Variants in CD2AP observed in about 807,000 individuals in gnomAD.
CD2AP encodes CD2-associated protein.
CD2AP carries 46 observed loss-of-function variants against 85.1 expected under a neutral mutation model. The ratio of observed to expected loss-of-function variants is 0.54; its 90% confidence interval spans 0.43 to 0.69. The LOEUF is 0.69. Ranked by LOEUF, CD2AP falls within the 30% of genes least tolerant of loss-of-function variation. The pLI, the probability that CD2AP is intolerant of heterozygous loss-of-function variation, is 0.00. For synonymous variants in CD2AP, 255 were observed against 252.9 expected, an observed-to-expected ratio of 1.01 and a Z score of -0.08; for missense variants, 769 against 729.5, an observed-to-expected ratio of 1.05 and a Z score of -0.62.
chr6:47,546,477 C>T (rs892010669), intron 4 of CD2AP, among the ~76,000 whole-genome samples: 1 of 151,974 alleles, frequency 6.6e-6, no homozygotes, highest in African/African-American at 2.4e-5. Context: ...ACCTAGACAT[C>T]CAAATATAAG....
intron 4 of CD2AP, among the ~76,000 whole-genome samples, chr6:47,552,451 C>T (rs899601956): frequency 6.6e-6 from 1 of 152,144 alleles, no homozygotes; most frequent in Admixed American, 6.5e-5. Context: ...CCAGTTCCAT[C>T]CATGTTGCTG....
intron 5 of CD2AP, among the ~76,000 whole-genome samples, chr6:47,566,764 G>A (rs561192513): frequency 1.2e-4 from 18 of 152,118 alleles, no homozygotes; most frequent in Admixed American, 8.5e-4. Context: ...GGCTTCCAGC[G>A]TCATCCATGT....
At chr6:47,576,463 G>GT in intron 6 of CD2AP, 61 bp from the exon 7 acceptor site, 2 of 1,119,380 alleles carry the variant, frequency 1.8e-6, no homozygotes, top group Admixed American at 1.7e-5. Context: ...TGGAAACTTT[G>GT]TTTAACAGTA....
chr6:47,478,366 A>AC lies in CD2AP; in HGVS notation c.4+121dup. On this transcript the variant is annotated intron_variant, in intron 1 of 17. Transcript: ENST00000359314. ...GTCAGCCCCTGAGCGGCAGCACCCC[A>AC]CCCTCTCCATTCTCCCCACCGCCCC... The AC allele has an allele frequency of 4.3e-6, 5 of 1,168,860 alleles. No homozygotes were observed. The South Asian group carries it at 6.5e-5, about 15-fold the overall frequency. The allele number at this position is 1,168,860 out of a possible 1,614,324, so 72.4% of individuals were successfully genotyped here.
intron 12 of CD2AP, among the ~76,000 whole-genome samples, chr6:47,598,869 C>T (rs1769025633): frequency 6.7e-6 from 1 of 149,822 alleles, no homozygotes; most frequent in South Asian, 2.1e-4. Context: ...ATTCATGTAA[C>T]CAAATGCCAC....
At chr6:47,606,727 G>A (rs1043725643) in intron 14 of CD2AP, among the ~76,000 whole-genome samples, 1 of 151,920 alleles carries the variant, frequency 6.6e-6, no homozygotes, top group African/African-American at 2.4e-5. Flanking sequence ...GGTTATGTGA[G>A]ATATTTTGAT....
At chr6:47,494,372 G>T (rs981655989) in intron 1 of CD2AP, among the ~76,000 whole-genome samples, 3 of 152,148 alleles carry the variant, frequency 2.0e-5, no homozygotes, top group African/African-American at 7.2e-5. Flanking sequence ...AAATACTGGA[G>T]CCTCATTGAT....
intron 2 of CD2AP, among the ~76,000 whole-genome samples, chr6:47,516,151 C>G (rs1015640893): frequency 6.6e-6 from 1 of 152,156 alleles, no homozygotes; most frequent in African/African-American, 2.4e-5. Context: ...GTACCAACAT[C>G]AAAATCTCAG....
chr6:47,527,476 A>C (rs1203027080), intron 2 of CD2AP, among the ~76,000 whole-genome samples: 1 of 152,214 alleles, frequency 6.6e-6, no homozygotes, highest in Non-Finnish European at 1.5e-5. Context: ...GTGGAGAGTA[A>C]AAGGGAGTGT....
chr6:47,532,691 CCCT>C (rs1425287192), intron 2 of CD2AP, among the ~76,000 whole-genome samples: 2 of 152,116 alleles, frequency 1.3e-5, no homozygotes, highest in African/African-American at 4.8e-5. Context: ...AACAAAAACT[CCCT>C]CCGCTTTCTT....
Position 47,595,921 on chromosome 6 carries a change from A to G in CD2AP, c.1169A>G (p.Lys390Arg), listed in dbSNP as rs758447553. 1.2e-6 allele frequency: 2 copies of G among 1,612,944 alleles called. No homozygotes were observed. Among genetic ancestry groups the G allele is most frequent in the Non-Finnish European group, 1.7e-6 (2 of 1,179,138 alleles). ...SKPAAPQVPP[K>R]KPTPPTKASN... is the part of the protein sequence containing the mutation. The stretch of plus-strand genomic sequence containing the variant: ...CCAGCAGCTCCACAAGTCCCACCCA[A>G]GAAACCTACTCCACCTACCAAAGCC... Residue 390 changes from lysine to arginine, a missense_variant, in exon 12 of 18, where the codon AAG becomes AGG. Transcript: ENST00000359314.
chr6:47,557,782 T>G (rs570233769), intron 5 of CD2AP, among the ~76,000 whole-genome samples: 5 of 152,314 alleles, frequency 3.3e-5, no homozygotes, highest in African/African-American at 1.2e-4. Context: ...TTGTTCTTTT[T>G]GCTTAGGATT....
intron 16 of CD2AP, 93 bp downstream of exon 16, chr6:47,609,397 C>T: frequency 9.5e-7 from 1 of 1,056,846 alleles, no homozygotes; most frequent in East Asian, 2.4e-5. Flanking sequence ...TAATCTGTGG[C>T]TGGGTGTGGT....
chr6:47,605,326 T>G (rs1267559647), intron 13 of CD2AP, among the ~76,000 whole-genome samples: 1 of 151,954 alleles, frequency 6.6e-6, no homozygotes, highest in Non-Finnish European at 1.5e-5. Context: ...ATATCTGGGC[T>G]TTAGAGTTAA....
At chr6:47,523,062 G>T (rs1243744362) in intron 2 of CD2AP, among the ~76,000 whole-genome samples, 1 of 151,958 alleles carries the variant, frequency 6.6e-6, no homozygotes, top group East Asian at 1.9e-4. Flanking sequence ...GTGTTATATG[G>T]TGTTTAGTTT....
At chr6:47,512,026 C>T (rs1216784547) in intron 2 of CD2AP, among the ~76,000 whole-genome samples, 4 of 151,848 alleles carry the variant, frequency 2.6e-5, no homozygotes, top group South Asian at 2.1e-4. Flanking sequence ...GGCGTAGTGG[C>T]GGGCGGCTGT....
intron 11 of CD2AP, among the ~76,000 whole-genome samples, chr6:47,589,444 A>T (rs969982142): frequency 1.3e-5 from 2 of 151,296 alleles, no homozygotes; most frequent in Non-Finnish European, 3.0e-5. Context: ...ACATACACAC[A>T]CACAAATATA....
intron 4 of CD2AP, among the ~76,000 whole-genome samples, chr6:47,548,957 T>C (rs1382280857): frequency 6.6e-6 from 1 of 152,142 alleles, no homozygotes; most frequent in African/African-American, 2.4e-5. Flanking sequence ...AAAAATCACA[T>C]GATCATCTCA....
Position 47,544,695 on chromosome 6 carries a change from A to G in CD2AP, c.409A>G (p.Ile137Val), listed in dbSNP as rs1311692590. The G allele has an allele frequency of 1.9e-6, 3 of 1,600,688 alleles. No homozygotes were observed. The highest frequency in any genetic ancestry group is 2.6e-6 in the Non-Finnish European group (3 of 1,167,986). ...LELKVGDIIDINEEVEEGWWS... is the reference protein window; with the variant it reads ...LELKVGDIIDVNEEVEEGWWS... ...GCTGAAAGTGGGAGATATTATTGATATTAATGAAGAGGTAAGGAAAAAATG... is the reference window on the plus strand; with the variant it reads ...GCTGAAAGTGGGAGATATTATTGATGTTAATGAAGAGGTAAGGAAAAAATG... The change falls in exon 4 of 18, where the codon ATT becomes GTT. Residue 137 changes from isoleucine (I) to valine (V), a missense_variant. Physicochemically the swap from Ile to Val is conservative, Grantham distance 29 (BLOSUM62 3). Coordinates refer to ENST00000359314, the MANE Select transcript of CD2AP (RefSeq NM_012120.3).
Sources: allele counts gnomAD v4.1 joint callset (sites outside exome capture counted in the v4.1 genomes callset), GRCh38; gene constraint gnomAD v4.1.1; transcripts MANE v1.5; gene names NCBI Gene and HGNC (gene_info 2026-07-23, HGNC 2026-07-21).